CEP85L: variants seen among roughly 807,000 people sequenced by gnomAD.
CEP85L encodes centrosomal protein 85L.
CEP85L carries 60 observed loss-of-function variants against 100.3 expected under a neutral mutation model. That is an observed-to-expected ratio of 0.60 (90% CI 0.49 to 0.74). The LOEUF (loss-of-function observed/expected upper bound fraction) is 0.74. Ranked by LOEUF, CEP85L falls within the 30% of genes least tolerant of loss-of-function variation. The pLI is 0.00. For missense variants in CEP85L, 973 were observed against 936.2 expected, an observed-to-expected ratio of 1.04 and a Z score of -0.51; for synonymous variants, 319 against 322.7, an observed-to-expected ratio of 0.99 and a Z score of 0.12.
At chr6:118,634,207 A>G (rs943177903) in intron 1 of CEP85L, among the ~76,000 whole-genome samples, 1 of 151,998 alleles carries the variant, frequency 6.6e-6, no homozygotes, top group African/African-American at 2.4e-5. Flanking sequence ...CAGTTTAAAC[A>G]TAAGGGTAAC....
chr6:118,629,238 A>G (rs1458926479), intron 2 of CEP85L, among the ~76,000 whole-genome samples: 2 of 152,226 alleles, frequency 1.3e-5, no homozygotes, highest in Non-Finnish European at 1.5e-5. Flanking sequence ...CCTGGAACCA[A>G]GCCTCCACAA....
intron 3 of CEP85L, among the ~76,000 whole-genome samples, chr6:118,553,934 C>T (rs1198085789): frequency 6.6e-6 from 1 of 152,184 alleles, no homozygotes; most frequent in Admixed American, 6.5e-5. Context: ...AATATTAGAG[C>T]TTACATGTCC....
intron 2 of CEP85L, among the ~76,000 whole-genome samples, chr6:118,591,621 G>A (rs1436907606): frequency 6.6e-6 from 1 of 152,118 alleles, no homozygotes; most frequent in African/African-American, 2.4e-5. Flanking sequence ...TGTACACGAA[G>A]TAACAAAATG....
chr6:118,507,601 A>C (rs374212836), intron 5 of CEP85L, among the ~76,000 whole-genome samples: 1 of 152,132 alleles, frequency 6.6e-6, no homozygotes, highest in Non-Finnish European at 1.5e-5. Context: ...CTTCAACCAC[A>C]TATCTACCAC....
chr6:118,652,790 A>G (rs9489486), upstream of CEP85L: 1,040,469 of 1,458,846 alleles, frequency 0.71, 377,249 homozygotes, highest in African/African-American at 0.74. Flanking sequence ...ATGTAATGTT[A>G]GCCAAGGGTC....
rs35539336 is a variant in CEP85L at position 118,593,683 on chromosome 6, TAA to T, written c.233-27369_233-27368del. On this transcript the variant is annotated intron_variant, in intron 2 of 12. Transcript: ENST00000368491. Reference sequence around the variant, plus strand: ...GGCAGCGCATCGCAATAATGCTGTTTAAAAAAAAAAAAAAAAGTATGGTCTTG... The same window carrying T: ...GGCAGCGCATCGCAATAATGCTGTTTAAAAAAAAAAAAAAGTATGGTCTTG... Among the ~76,000 whole-genome samples the T allele has an allele frequency of 1.3e-3, 188 of 142,788 alleles. 1 individual carries two copies. Among genetic ancestry groups the T allele is most frequent in the South Asian group, 4.7e-3 (21 of 4,492 alleles). The allele number at this position is 142,788 out of a possible 152,430, so 93.7% of individuals were successfully genotyped here. A position where few individuals can be genotyped will look rare whatever the true frequency, so the allele number is the denominator to read the frequency against.
intron 3 of CEP85L, among the ~76,000 whole-genome samples, chr6:118,528,629 T>C (rs1777110007): frequency 6.6e-6 from 1 of 152,178 alleles, no homozygotes; most frequent in South Asian, 2.1e-4. Context: ...GAACAAAACC[T>C]GACATCCTAC....
Position 118,676,953 on chromosome 6 carries a change from AT to A in CEP85L, c.-27-24146del, listed in dbSNP as rs558550015. 8.6e-5 allele frequency among the ~76,000 whole-genome samples: 13 copies of A among 151,742 alleles called. No individual in the cohort carries two copies. The East Asian group carries it at 1.2e-3, about 14-fold the overall frequency. On this transcript the variant is annotated intron_variant, in intron 1 of 13. Coordinates refer to the CEP85L transcript ENST00000368488. ...TTCCTAACGATTAGAGATACTGAGCATTTTTTTTCATTTCTCTGTTGACGAT... is the reference window on the plus strand; with the variant it reads ...TTCCTAACGATTAGAGATACTGAGCATTTTTTTCATTTCTCTGTTGACGAT...
At chr6:118,505,409 CAAA>C (rs56893664) in intron 5 of CEP85L, among the ~76,000 whole-genome samples, 61 of 71,790 alleles carry the variant, frequency 8.5e-4, no homozygotes, top group African/African-American at 2.3e-3. Flanking sequence ...TCACTGTACT[CAAA>C]AAAAAAAAAA....
upstream of CEP85L, among the ~76,000 whole-genome samples, chr6:118,657,477 G>A (rs1172031394): frequency 6.6e-6 from 1 of 152,106 alleles, no homozygotes; most frequent in Non-Finnish European, 1.5e-5. Flanking sequence ...AAAATTAGCT[G>A]GGCATGGTGG....
In CEP85L at chr6:118,679,984, G is replaced by A. The variant is rs552017836; in HGVS notation, c.-27-27176C>T. Among the ~76,000 whole-genome samples, 14 of 151,016 alleles carry A rather than the reference G, an allele frequency of 9.3e-5. No homozygotes were observed. In the South Asian group the frequency reaches 2.9e-3, roughly 32 times the overall value. On this transcript the variant is annotated intron_variant, in intron 1 of 13. Transcript: ENST00000368488. ...GGAAATCAGATTAGAAATTTCATTG[G>A]CATTAAAAAAAAAAAAGATGGCAGG...
chr6:118,699,826 C>T (rs989511597), intron 1 of CEP85L, among the ~76,000 whole-genome samples: 6 of 152,150 alleles, frequency 3.9e-5, no homozygotes, highest in African/African-American at 1.4e-4. Context: ...TCCCGAGTAG[C>T]GGGGACTACA....
At position 118,523,846 on chromosome 6, in the gene CEP85L, T is replaced by C. The variant is rs1158681451; in HGVS notation, c.1095A>G (p.Lys365=). The C allele has an allele frequency of 6.2e-7, 1 of 1,607,060 alleles. No homozygotes were observed. The stretch of plus-strand genomic sequence containing the variant: ...TCTGCCTTAGAAGTCCTTCTTTTAT[T>C]TTCAACATTGATTCCCACTTACTGA... ...QDFSKWESML[K]IKEGLLRQKE... Residue 365 remains lysine (K), a synonymous_variant, in exon 4 of 13, where the codon AAA becomes AAG. Coordinates refer to ENST00000368491, the MANE Select transcript of CEP85L (RefSeq NM_001042475.3).
At chr6:118,583,133 C>G (rs1415637457) in intron 2 of CEP85L, among the ~76,000 whole-genome samples, 1 of 152,180 alleles carries the variant, frequency 6.6e-6, no homozygotes, top group Non-Finnish European at 1.5e-5. Context: ...GATCTGCCCC[C>G]AGAGGCAGAG....
intron 1 of CEP85L, among the ~76,000 whole-genome samples, chr6:118,675,405 A>C (rs1776451594): frequency 6.6e-6 from 1 of 152,100 alleles, no homozygotes; most frequent in South Asian, 2.1e-4. Context: ...AAATGTTCTG[A>C]AATTAGATAA....
At chr6:118,502,256 A>C (rs1775353004) in intron 5 of CEP85L, 2 of 582,532 alleles carry the variant, frequency 3.4e-6, no homozygotes, top group South Asian at 2.0e-5. Context: ...ACATTTATGA[A>C]TATCAGCAAG....
At chr6:118,571,325 G>C (rs1037263774) in intron 2 of CEP85L, among the ~76,000 whole-genome samples, 1 of 152,188 alleles carries the variant, frequency 6.6e-6, no homozygotes, top group Non-Finnish European at 1.5e-5. Context: ...ACAGAGGGTA[G>C]TCCTTTTAAA....
intron 1 of CEP85L, among the ~76,000 whole-genome samples, chr6:118,692,722 GA>G (rs1777083915): frequency 6.6e-6 from 1 of 151,600 alleles, no homozygotes; most frequent in Non-Finnish European, 1.5e-5. Flanking sequence ...TCAGACTTGG[GA>G]AGAGATGGCA....
intron 1 of CEP85L, among the ~76,000 whole-genome samples, chr6:118,691,270 C>T (rs1216040269): frequency 2.0e-5 from 3 of 151,854 alleles, no homozygotes; most frequent in African/African-American, 7.3e-5. Flanking sequence ...TGGTAGCTCA[C>T]GCCTGTAATC....
Sources: allele counts gnomAD v4.1 joint callset (sites outside exome capture counted in the v4.1 genomes callset), GRCh38; gene constraint gnomAD v4.1.1; transcripts MANE v1.5; gene names NCBI Gene and HGNC (gene_info 2026-07-23, HGNC 2026-07-21).